Variants in ZNF483 observed in about 807,000 individuals in gnomAD.
The protein encoded by ZNF483 is zinc finger protein 483.
A neutral mutation model predicts 28.6 loss-of-function variants in ZNF483; 9 were observed. The ratio of observed to expected loss-of-function variants is 0.32; its 90% CI spans 0.19 to 0.55. ZNF483 has a LOEUF of 0.55. Ranked by LOEUF, ZNF483 falls within the 20% of genes least tolerant of loss-of-function variation. ZNF483 has a pLI of 0.93. For synonymous variants in ZNF483, 322 were observed against 306.2 expected, an observed-to-expected ratio of 1.05 and a Z score of -0.54; for missense variants, 675 against 871.7, an observed-to-expected ratio of 0.77 and a Z score of 2.84.
chr9:111,534,326 G>C lies in ZNF483; in HGVS notation c.694G>C (p.Glu232Gln), dbSNP rs888045766. The C allele has an allele frequency of 6.2e-7, 1 of 1,614,032 alleles. No homozygotes were observed. The highest frequency in any genetic ancestry group is 8.5e-7 in the Non-Finnish European group (1 of 1,180,026). ...GTGGGTTGAATTGCCATGGCTGCTG[G>C]AAGAAGTCTCAAAAAGCTCCCGACT... ...LKWVELPWLL[E>Q]EVSKSSRLDE... Residue 232 changes from glutamate (E) to glutamine (Q), a missense_variant, in exon 5 of 6, where the codon GAA (glutamate) becomes CAA (glutamine). Transcript: ENST00000309235.
chr9:111,577,939 GA>G (rs1286654470), downstream of ZNF483: 7 of 152,134 alleles, frequency 4.6e-5, no homozygotes, highest in African/African-American at 1.7e-4. Flanking sequence ...AGTCATAAGA[GA>G]CCACTTTTAG....
chr9:111,541,436 CTA>C (rs1307714611), intron 5 of ZNF483, among the ~76,000 whole-genome samples: 1 of 152,166 alleles, frequency 6.6e-6, no homozygotes, highest in Admixed American at 6.5e-5. Context: ...TTGCATCTAA[CTA>C]TAAAGCACAA....
rs1827738388 is a variant in ZNF483 at position 111,543,871 on chromosome 9, C to T, written c.*701C>T. The stretch of plus-strand genomic sequence containing the variant: ...CTGGGCTCAAGTGATCCTTCCATCT[C>T]ACTTTCCTGAGTAGCTGACATTACG... On this transcript the variant is annotated 3_prime_UTR_variant, in exon 6 of 6. Coordinates refer to ENST00000309235, the MANE Select transcript of ZNF483 (RefSeq NM_133464.5). 1.0e-6 allele frequency: 1 copy of T among 981,510 alleles called. No homozygotes were observed. The highest frequency in any genetic ancestry group is 1.2e-6 in the Non-Finnish European group (1 of 827,280). 60.8% of individuals were successfully genotyped at this position (981,510 alleles called of 1,614,324 possible).
chr9:111,559,192 G>A (rs550359828), downstream of ZNF483, among the ~76,000 whole-genome samples: 54 of 152,000 alleles, frequency 3.6e-4, no homozygotes, highest in East Asian at 7.7e-4. Flanking sequence ...TCACTCACTC[G>A]CACGTGATAC....
chr9:111,568,808 T>C lies in ZNF483; in HGVS notation c.722-7557T>C, dbSNP rs189548213. 4.6e-5 allele frequency among the ~76,000 whole-genome samples: 7 copies of C among 152,306 alleles called. No individual in the cohort carries two copies. The East Asian group carries it at 5.8e-4, about 13-fold the overall frequency. ...AATAGAAAGAACCTATGTTGAAATATTGGGGGCAGGTTCCCCCGATACACT... is the reference window on the plus strand; with the variant it reads ...AATAGAAAGAACCTATGTTGAAATACTGGGGGCAGGTTCCCCCGATACACT... On this transcript the variant is annotated intron_variant, in intron 5 of 5. Transcript: ENST00000358151.
intron 5 of ZNF483, among the ~76,000 whole-genome samples, chr9:111,573,743 A>C (rs995874404): frequency 2.6e-5 from 4 of 151,992 alleles, no homozygotes; most frequent in Non-Finnish European, 5.9e-5. Flanking sequence ...TCCTCTCCAC[A>C]CCCATAAAAT....
In ZNF483 at chr9:111,576,347, T is replaced by C. The variant is rs1330268515; in HGVS notation, c.722-18T>C. The C allele has an allele frequency of 2.5e-6, 4 of 1,613,834 alleles. No homozygotes were observed. In the Admixed American group the frequency reaches 6.7e-5, roughly 27 times the overall value. On this transcript the variant is annotated intron_variant, in intron 5 of 5. Transcript: ENST00000358151. ...ACCTCAAACCAGTACTCACTAAGCT[T>C]TCCCTGGTCACTTGCAGACATACAT...
rs1827789994 is a variant in ZNF483, at chr9:111,545,666, C to G, written c.*2496C>G. 1.3e-5 allele frequency among the ~76,000 whole-genome samples: 2 copies of G among 152,074 alleles called. No homozygotes were observed. Among genetic ancestry groups the G allele is most frequent in the Non-Finnish European group, 2.9e-5 (2 of 68,002 alleles). ...CTGTACATTTTATGTTATATGTGAT[C>G]TTTCTGTGTTTTTTTCATTAATGTG... On this transcript the variant is annotated 3_prime_UTR_variant, in exon 6 of 6. Coordinates refer to ENST00000309235, the MANE Select transcript of ZNF483 (RefSeq NM_133464.5).
At position 111,551,400 on chromosome 9, in the gene ZNF483, G is replaced by GTTTTTTT. The variant is rs58638722; in HGVS notation, c.*8249_*8255dup. The stretch of plus-strand genomic sequence containing the variant: ...TAACTGAATCAAGTATCCAGTTTTT[G>GTTTTTTT]TTTTTTTTTTTTTTTTTTTTTTTTT... On this transcript the variant is annotated 3_prime_UTR_variant, in exon 6 of 6. Coordinates refer to ENST00000309235, the MANE Select transcript of ZNF483 (RefSeq NM_133464.5). Among the ~76,000 whole-genome samples the GTTTTTTT allele has an allele frequency of 4.4e-3, 327 of 74,458 alleles. 1 individual carries two copies. Among genetic ancestry groups the GTTTTTTT allele is most frequent in the Non-Finnish European group, 6.0e-3 (239 of 39,940 alleles). The allele number at this position is 74,458 out of a possible 152,430, so 48.8% of individuals were successfully genotyped here.
At chr9:111,565,627 G>A (rs1225164567) in intron 5 of ZNF483, among the ~76,000 whole-genome samples, 1 of 152,092 alleles carries the variant, frequency 6.6e-6, no homozygotes, top group East Asian at 1.9e-4. Flanking sequence ...GGACTCAGGT[G>A]ATCCTCCCAC....
chr9:111,563,346 G>C (rs908424257), intron 5 of ZNF483: 1 of 1,061,258 alleles, frequency 9.4e-7, no homozygotes, highest in Admixed American at 2.7e-5. Flanking sequence ...GAAAATAAGA[G>C]ATGGAAGTCC....
At chr9:111,541,229 A>T (rs1827663136) in intron 5 of ZNF483, among the ~76,000 whole-genome samples, 1 of 151,818 alleles carries the variant, frequency 6.6e-6, no homozygotes, top group South Asian at 2.1e-4. Context: ...AGCTGGGACC[A>T]TAGGTGCATG....
rs1338309256 is a variant in ZNF483, at chr9:111,552,282, T to G, written c.*9112T>G. Among the ~76,000 whole-genome samples, 1 of 151,006 alleles carries G rather than the reference T, an allele frequency of 6.6e-6. No individual in the cohort carries two copies. Among genetic ancestry groups the G allele is most frequent in the African/African-American group, 2.4e-5 (1 of 41,434 alleles). Reference sequence around the variant, plus strand: ...TAAAGAAACAAGATCATTAGATACATTGTCTTTTTTTTTCAGAAGTTTCAT... The same window carrying G: ...TAAAGAAACAAGATCATTAGATACAGTGTCTTTTTTTTTCAGAAGTTTCAT... On this transcript the variant is annotated 3_prime_UTR_variant, in exon 6 of 6. Transcript: ENST00000309235.
intron 5 of ZNF483, chr9:111,570,188 A>G (rs779234515): frequency 2.7e-5 from 44 of 1,613,848 alleles, no homozygotes; most frequent in Admixed American, 5.0e-5. Context: ...CTCCTGATAG[A>G]TAACAATCTC....
At chr9:111,525,754 T>A (rs577436083) in intron 1 of ZNF483, among the ~76,000 whole-genome samples, 19 of 152,104 alleles carry the variant, frequency 1.2e-4, no homozygotes, top group Non-Finnish European at 2.4e-4. Context: ...GCCGAGTGTC[T>A]TAGTCATCGC....
At chr9:111,576,226 A>T (rs1829047977) in intron 5 of ZNF483, 2 of 792,166 alleles carry the variant, frequency 2.5e-6, no homozygotes, top group Admixed American at 2.8e-5. Context: ...TTCACTGAAT[A>T]GGAAAAAATA....
At position 111,547,088 on chromosome 9, in the gene ZNF483, C is replaced by T. The variant is rs1264280065; in HGVS notation, c.*3918C>T. ...CACATTTTGTTTATCCTTTTATCTG[C>T]CAGTGAACATTTAAGTTGTTTGCAC... On this transcript the variant is annotated 3_prime_UTR_variant, in exon 6 of 6. Coordinates refer to ENST00000309235, the MANE Select transcript of ZNF483 (RefSeq NM_133464.5). Among the ~76,000 whole-genome samples, 8 of 152,074 alleles carry T rather than the reference C, an allele frequency of 5.3e-5. No individual in the cohort carries two copies. Among genetic ancestry groups the T allele is most frequent in the Non-Finnish European group, 8.8e-5 (6 of 67,964 alleles).
chr9:111,567,568 TA>T (rs57863129), intron 5 of ZNF483, among the ~76,000 whole-genome samples: 8,721 of 152,122 alleles, frequency 0.057, 839 homozygotes, highest in African/African-American at 0.2. Flanking sequence ...CTGGGCCAAG[TA>T]AATAAGAGGA....
Position 111,533,763 on chromosome 9 carries a change from G to A in ZNF483, c.526G>A (p.Ala176Thr), listed in dbSNP as rs1270550408. ...GGAATCTATAACATTGAAGGATGTA[G>A]CTGTGAACTTTTCAAGAGGAGAGTG... ...SCESITLKDV[A>T]VNFSRGEWKK... Residue 176 changes from alanine (A) to threonine (T), a missense_variant, in exon 4 of 6, where the codon GCT becomes ACT. Physicochemically the swap from Ala to Thr is moderately conservative, Grantham distance 58. Transcript: ENST00000309235. The A allele has an allele frequency of 1.3e-6, 2 of 1,586,708 alleles. No individual in the cohort carries two copies. The highest frequency in any genetic ancestry group is 1.7e-6 in the Non-Finnish European group (2 of 1,172,300).
Sources: allele counts gnomAD v4.1 joint callset (sites outside exome capture counted in the v4.1 genomes callset), GRCh38; gene constraint gnomAD v4.1.1; transcripts MANE v1.5; gene names NCBI Gene and HGNC (gene_info 2026-07-23, HGNC 2026-07-21).